The following PDIA3 variants were observed in gnomAD, a reference collection of about 807,000 sequenced individuals.
PDIA3 encodes protein disulfide isomerase family A member 3, also known as protein disulfide-isomerase A3.
Under a neutral mutation model 56.9 loss-of-function variants are expected in PDIA3, and 16 were observed. The ratio of observed to expected loss-of-function variants is 0.28; its 90% CI spans 0.19 to 0.43. The LOEUF is 0.43. Ranked by LOEUF, PDIA3 falls within the 20% of genes least tolerant of loss-of-function variation. PDIA3 has a pLI of 1.00. For missense variants in PDIA3, 485 were observed against 621.3 expected (o/e 0.78, Z 2.33); for synonymous variants, 192 against 216.5 (o/e 0.89, Z 0.99).
intron 4 of PDIA3, among the ~76,000 whole-genome samples, 170 bp from the exon 5 acceptor site, chr15:43,762,907 A>G (rs1227375759): frequency 1.3e-5 from 2 of 152,208 alleles, no homozygotes; most frequent in African/African-American, 2.4e-5. Flanking sequence ...GGGTAGAGGG[A>G]AAATTCTCAT....
At chr15:43,746,728 G>C (rs781179142) in intron 1 of PDIA3, 22 bp downstream of exon 1, 125 of 1,610,670 alleles carry the variant, frequency 7.8e-5, no homozygotes, top group Non-Finnish European at 9.4e-5. Flanking sequence ...CTGCCGAGGC[G>C]GGGGAAGAAA....
chr15:43,747,841 A>G (rs978283339), intron 1 of PDIA3, among the ~76,000 whole-genome samples: 9 of 152,208 alleles, frequency 5.9e-5, no homozygotes, highest in African/African-American at 1.9e-4. Flanking sequence ...AAAGTCCTGT[A>G]GTAAAGACCA....
chr15:43,769,053 A>G (rs1742485725), intron 9 of PDIA3, among the ~76,000 whole-genome samples: 1 of 151,332 alleles, frequency 6.6e-6, no homozygotes, highest in African/African-American at 2.4e-5. Context: ...GGCAGGGCTC[A>G]TAATGCTTGG....
intron 3 of PDIA3, among the ~76,000 whole-genome samples, chr15:43,757,464 AG>A (rs2086785880): frequency 6.6e-6 from 1 of 151,886 alleles, no homozygotes; most frequent in South Asian, 2.1e-4. Flanking sequence ...AGGCTGAGGC[AG>A]GAGAATGGGG....
Position 43,748,978 on chromosome 15 carries a change from C to A in PDIA3, c.167+2272C>A, listed in dbSNP as rs186722841. 4.0e-3 allele frequency among the ~76,000 whole-genome samples: 609 copies of A among 152,142 alleles called. 4 individuals are homozygous for A. The highest frequency in any genetic ancestry group is 0.014 in the African/African-American group (579 of 41,510). On this transcript the variant is annotated intron_variant, in intron 1 of 12. Transcript: ENST00000300289. ...TAGAGACAGGGTTTCACCATGTTGG[C>A]CAGGCTGGTCTCGAACTCCTGACTT...
At chr15:43,752,930 G>C (rs2086754182) in intron 1 of PDIA3, 1 of 466,792 alleles carries the variant, frequency 2.1e-6, no homozygotes, top group Non-Finnish European at 4.5e-6. Flanking sequence ...GGTGCTTCTG[G>C]TGGCCCTCTG....
Position 43,756,742 on chromosome 15 carries a change from G to T in PDIA3, c.340G>T (p.Ala114Ser). The T allele has an allele frequency of 6.3e-7, 1 of 1,595,710 alleles. No individual in the cohort carries two copies. The highest frequency in any genetic ancestry group is 8.6e-7 in the Non-Finnish European group (1 of 1,164,804). ...KIFRDGEEAG[A>S]YDGPRTADGI... The stretch of plus-strand genomic sequence containing the variant: ...ATTTAGAGATGGTGAAGAAGCAGGT[G>T]CTTATGATGGACCTAGGACTGCTGG... Residue 114 changes from alanine to serine, a missense_variant, in exon 3 of 13, where the codon GCT becomes TCT. Transcript: ENST00000300289.
chr15:43,768,085 C>CA (rs2086859629), intron 8 of PDIA3, among the ~76,000 whole-genome samples: 1 of 152,126 alleles, frequency 6.6e-6, no homozygotes, highest in Non-Finnish European at 1.5e-5. Flanking sequence ...AAAGTGAACT[C>CA]AGAATCGGGA....
intron 3 of PDIA3, among the ~76,000 whole-genome samples, chr15:43,759,437 C>T (rs2086800545): frequency 6.6e-6 from 1 of 151,892 alleles, no homozygotes; most frequent in South Asian, 2.1e-4. Flanking sequence ...TATAACAAAA[C>T]TTGTTTTTTT....
intron 9 of PDIA3, 70 bp downstream of exon 9, chr15:43,768,667 G>A (rs1398063492): frequency 8.8e-6 from 9 of 1,022,796 alleles, no homozygotes; most frequent in African/African-American, 3.2e-5. Context: ...CAAAACTGTG[G>A]GGTCTAAATG....
intron 4 of PDIA3, 93 bp downstream of exon 4, chr15:43,761,624 A>G: frequency 1.4e-6 from 1 of 700,664 alleles, no homozygotes; most frequent in Non-Finnish European, 2.5e-6. Flanking sequence ...AAAGCAGTTA[A>G]GGAAACCTTG....
intron 1 of PDIA3, chr15:43,751,731 T>TC (rs1289699190): frequency 3.2e-5 from 41 of 1,299,590 alleles, no homozygotes; most frequent in Non-Finnish European, 4.1e-5. Context: ...ACCTGGTTGC[T>TC]CCCCAGATTT....
At chr15:43,763,033 C>T in intron 4 of PDIA3, 44 bp from the exon 5 acceptor site, 1 of 1,594,600 alleles carries the variant, frequency 6.3e-7, no homozygotes, top group Non-Finnish European at 8.6e-7. Flanking sequence ...GTCCATCTGT[C>T]AGCACTTATT....
At chr15:43,767,769 C>CAAAAAAAAA (rs11294471) in intron 8 of PDIA3, among the ~76,000 whole-genome samples, 4 of 73,406 alleles carry the variant, frequency 5.4e-5, no homozygotes, top group Non-Finnish European at 1.1e-4. Context: ...GACTCTGTCT[C>CAAAAAAAAA]AAAAAAAAAA....
At chr15:43,756,508 A>G (rs2086779308) in intron 2 of PDIA3, 141 bp from the exon 3 acceptor site, 1 of 622,998 alleles carries the variant, frequency 1.6e-6, no homozygotes, top group Non-Finnish European at 2.9e-6. Flanking sequence ...GTCTGCCTTT[A>G]AAATCTAATG....
At chr15:43,768,676 T>C (rs1169809122) in intron 9 of PDIA3, 79 bp downstream of exon 9, 2 of 944,384 alleles carry the variant, frequency 2.1e-6, no homozygotes, top group East Asian at 4.8e-5. Flanking sequence ...GGGGTCTAAA[T>C]GAAGACTTCG....
intron 1 of PDIA3, among the ~76,000 whole-genome samples, chr15:43,749,090 T>G (rs1196144855): frequency 2.0e-5 from 3 of 151,166 alleles, no homozygotes; most frequent in Admixed American, 6.6e-5. Context: ...GTTTTTGTTT[T>G]GTTTTGTTTT....
chr15:43,766,146 AAAAAAAATT>A, intron 7 of PDIA3, 134 bp downstream of exon 7: 1 of 665,768 alleles, frequency 1.5e-6, no homozygotes, highest in Non-Finnish European at 2.3e-6. Flanking sequence ...AAAAAAAAAA[AAAAAAAATT>A]AAAGTAACTA....
chr15:43,746,464 A>G lies in PDIA3; in HGVS notation c.-76A>G. 7.5e-7 allele frequency: 1 copy of G among 1,339,684 alleles called. No homozygotes were observed. Among genetic ancestry groups the G allele is most frequent in the Non-Finnish European group, 9.8e-7 (1 of 1,016,222 alleles). The allele number at this position is 1,339,684 out of a possible 1,614,324, so 83.0% of individuals were successfully genotyped here. On this transcript the variant is annotated 5_prime_UTR_variant, in exon 1 of 13. Coordinates refer to ENST00000300289, the MANE Select transcript of PDIA3 (RefSeq NM_005313.5). ...GACGCGCGAGCGCAAGCAGCGGGTT[A>G]GTGGTCGCGCGCCCGACCTCCGCAG...
Sources: allele counts gnomAD v4.1 joint callset (sites outside exome capture counted in the v4.1 genomes callset), GRCh38; gene constraint gnomAD v4.1.1; transcripts MANE v1.5; gene names NCBI Gene and HGNC (gene_info 2026-07-23, HGNC 2026-07-21).